MGAT5: variants seen among roughly 807,000 people sequenced by gnomAD.
The protein encoded by MGAT5 is alpha-1,6-mannosylglycoprotein 6-beta-N-acetylglucosaminyltransferase A.
A neutral mutation model predicts 94.3 loss-of-function variants in MGAT5; 30 were observed. The ratio of observed to expected loss-of-function variants is 0.32; its 90% confidence interval spans 0.24 to 0.43. The LOEUF (loss-of-function observed/expected upper bound fraction) is 0.43, where lower values mean the gene tolerates loss of function less well. MGAT5 is among the 20% of genes least tolerant of loss of function. MGAT5 has a pLI of 1.00. For synonymous variants in MGAT5, 310 were observed against 322.9 expected (o/e 0.96, Z 0.43); for missense variants, 691 against 905.5 (o/e 0.76, Z 3.04).
In MGAT5 at chr2:134,451,340, C is replaced by T. The variant is rs952603973; in HGVS notation, c.*2493C>T. 5 of 152,206 alleles carry T rather than the reference C, an allele frequency of 3.3e-5. No individual in the cohort carries two copies. Among genetic ancestry groups the T allele is most frequent in the African/African-American group, 9.6e-5 (4 of 41,456 alleles). The allele number at this position is 152,206 out of a possible 1,614,324, so 9.4% of individuals were successfully genotyped here. On this transcript the variant is annotated 3_prime_UTR_variant, in exon 16 of 16. Transcript: ENST00000281923. ...AGTCCAGTATTGAGTGGAAGTGCGC[C>T]GGAGTTCCACTGACAGGGCAGCTGC...
chr2:134,446,769 C>T (rs967264430), intron 15 of MGAT5, among the ~76,000 whole-genome samples: 2 of 152,158 alleles, frequency 1.3e-5, no homozygotes, highest in Admixed American at 6.5e-5. Context: ...GTCCCGCTCT[C>T]CTGAGCAGGT....
intron 2 of MGAT5, among the ~76,000 whole-genome samples, chr2:134,313,211 G>T (rs898684987): frequency 3.9e-5 from 6 of 152,072 alleles, no homozygotes; most frequent in African/African-American, 1.4e-4. Flanking sequence ...GACTGTCAGG[G>T]AGAATCTGTC....
intron 2 of MGAT5, among the ~76,000 whole-genome samples, chr2:134,272,302 A>C (rs1282996244): frequency 6.6e-6 from 1 of 151,732 alleles, no homozygotes; most frequent in African/African-American, 2.4e-5. Context: ...TCTGAGCGGG[A>C]CTCCTTTAAA....
intron 1 of MGAT5, among the ~76,000 whole-genome samples, chr2:134,128,231 GAGA>G (rs1156615058): frequency 6.6e-6 from 1 of 151,710 alleles, no homozygotes; most frequent in African/African-American, 2.4e-5. Flanking sequence ...AAGAGAGAAA[GAGA>G]AGGAGAGAAT....
chr2:134,221,861 TA>T (rs1293484854), intron 1 of MGAT5, among the ~76,000 whole-genome samples: 2 of 152,014 alleles, frequency 1.3e-5, no homozygotes, highest in Non-Finnish European at 2.9e-5. Context: ...TTGGGCAAGA[TA>T]AAAAATCAGA....
intron 1 of MGAT5, among the ~76,000 whole-genome samples, chr2:134,137,425 T>C (rs1686460802): frequency 6.6e-6 from 1 of 152,218 alleles, no homozygotes; most frequent in South Asian, 2.1e-4. Flanking sequence ...GTCAGCCCTT[T>C]TCTGTTTCTG....
In MGAT5 at chr2:134,422,757, A is replaced by G. The variant is rs567505049; in HGVS notation, c.1678-46A>G. ...CATAGCACTCCATCTAGCACAGGTTATTTTAAAAATTGCTTGTGAGACTGA... is the reference window on the plus strand; with the variant it reads ...CATAGCACTCCATCTAGCACAGGTTGTTTTAAAAATTGCTTGTGAGACTGA... On this transcript the variant is annotated intron_variant, in intron 12 of 15. Coordinates refer to ENST00000281923, the MANE Select transcript of MGAT5 (RefSeq NM_002410.5). 35 of 1,446,382 alleles carry G rather than the reference A, an allele frequency of 2.4e-5. No individual in the cohort carries two copies. In the South Asian group the frequency reaches 3.0e-4, roughly 12 times the overall value. 89.6% of individuals were successfully genotyped at this position (1,446,382 alleles called of 1,614,324 possible).
Position 134,374,420 on chromosome 2 carries a change from A to G in MGAT5, c.1380+12012A>G, listed in dbSNP as rs866540544. On this transcript the variant is annotated intron_variant, in intron 10 of 15. Coordinates refer to ENST00000281923, the MANE Select transcript of MGAT5 (RefSeq NM_002410.5). ...CTGCAAGAACAGAGCTTGTTGATGG[A>G]GTTTTATATAAAAAACACAGATTGG... is the stretch of plus-strand genomic sequence containing the variant. Among the ~76,000 whole-genome samples the G allele has an allele frequency of 5.9e-5, 9 of 152,318 alleles. No homozygotes were observed. The Middle Eastern group carries it at 0.01, about 173-fold the overall frequency.
chr2:134,314,764 A>G (rs1686900257), intron 2 of MGAT5, among the ~76,000 whole-genome samples: 1 of 152,170 alleles, frequency 6.6e-6, no homozygotes, highest in South Asian at 2.1e-4. Flanking sequence ...AGGACGTTCC[A>G]GGGAGAGGAA....
intron 10 of MGAT5, among the ~76,000 whole-genome samples, chr2:134,387,283 AAATAAAAAGTTATGTATG>A (rs1682048421): frequency 1.5e-5 from 2 of 132,614 alleles, no homozygotes; most frequent in Admixed American, 1.6e-4. Flanking sequence ...TAAAAATAAA[AAATAAAAAGTTATGTATG>A]ATATATATAT....
chr2:134,361,481 C>G (rs1680096140), intron 9 of MGAT5, among the ~76,000 whole-genome samples: 1 of 152,138 alleles, frequency 6.6e-6, no homozygotes, highest in South Asian at 2.1e-4. Flanking sequence ...TGGTGAAATG[C>G]CTTTTAAAAT....
intron 1 of MGAT5, among the ~76,000 whole-genome samples, chr2:134,197,208 A>G (rs781239199): frequency 1.3e-5 from 2 of 152,156 alleles, no homozygotes; most frequent in Admixed American, 6.6e-5. Context: ...TTCAGTCAAT[A>G]TTTCAAAGTC....
At chr2:134,439,889 CAGAAACATTT>C (rs1685386902) in intron 14 of MGAT5, among the ~76,000 whole-genome samples, 5 of 152,156 alleles carry the variant, frequency 3.3e-5, no homozygotes, top group Non-Finnish European at 7.3e-5. Flanking sequence ...AAGGGAGGGA[CAGAAACATTT>C]CCTCGGCTTG....
At chr2:134,237,119 G>A (rs1681676778) in intron 1 of MGAT5, among the ~76,000 whole-genome samples, 1 of 127,206 alleles carries the variant, frequency 7.9e-6, no homozygotes, top group African/African-American at 3.1e-5. Context: ...TGTAGAAGGA[G>A]TATATGTGTG....
chr2:134,174,963 C>T (rs1688389205), intron 1 of MGAT5, among the ~76,000 whole-genome samples: 1 of 152,212 alleles, frequency 6.6e-6, no homozygotes, highest in African/African-American at 2.4e-5. Context: ...CTCAGAATCC[C>T]CACGGTTGCA....
At chr2:134,338,489 C>G in intron 6 of MGAT5, 69 bp downstream of exon 6, 1 of 1,464,736 alleles carries the variant, frequency 6.8e-7, no homozygotes, top group Non-Finnish European at 9.3e-7. Flanking sequence ...TGCTTGGAAA[C>G]AAGACTAAGA....
chr2:134,448,695 G>A lies in MGAT5; in HGVS notation c.2074G>A (p.Val692Met), dbSNP rs1032566977. Residue 692 changes from valine (V) to methionine (M), a missense_variant, in exon 16 of 16, where the codon GTG becomes ATG. This residue lies in a region of MGAT5 where 260 missense variants were observed against 347.0 expected (regional missense o/e 0.75). Transcript: ENST00000281923. ...CTCAGAGCTGGCCAAGGACATCCTG[G>A]TGCCCTCCTTTGACCCTAAGAATAA... ...QSSELAKDIL[V>M]PSFDPKNKHC... is the part of the protein sequence containing the mutation. 1.2e-6 allele frequency: 2 copies of A among 1,614,210 alleles called. No homozygotes were observed. Among genetic ancestry groups the A allele is most frequent in the Non-Finnish European group, 1.7e-6 (2 of 1,180,040 alleles).
At chr2:134,355,336 A>G (rs1340337143) in intron 9 of MGAT5, among the ~76,000 whole-genome samples, 1 of 145,750 alleles carries the variant, frequency 6.9e-6, no homozygotes, top group Non-Finnish European at 1.5e-5. Flanking sequence ...CACTTAATAT[A>G]TCATCTTTTT....
intron 2 of MGAT5, among the ~76,000 whole-genome samples, chr2:134,283,134 G>T (rs2105729779): frequency 6.6e-6 from 1 of 152,304 alleles, no homozygotes; most frequent in South Asian, 2.1e-4. Flanking sequence ...GATGAGACTT[G>T]TGTGCGCAGT....
Sources: gnomAD v4.1 joint callset for allele counts (sites outside exome capture counted in the v4.1 genomes callset) on GRCh38, gnomAD v4.1.1 for gene constraint, gnomAD v4.1.1 regional missense constraint, MANE v1.5 for transcripts, NCBI Gene and HGNC (gene_info 2026-07-23, HGNC 2026-07-21) for gene names.